Variants in LAMA2 observed in about 807,000 individuals in gnomAD.
LAMA2 encodes laminin subunit alpha 2.
Under a neutral mutation model 364.8 loss-of-function variants are expected in LAMA2, and 269 were observed. That is an observed-to-expected ratio of 0.74 (90% CI 0.67 to 0.82). LAMA2 has a LOEUF of 0.82. LAMA2 is among the 40% of genes least tolerant of loss of function. LAMA2 has a pLI of 0.00. For synonymous variants in LAMA2, 1,379 were observed against 1,370.6 expected (o/e 1.01, Z -0.14); for missense variants, 3,807 against 3,873.2 (o/e 0.98, Z 0.45).
intron 34 of LAMA2, among the ~76,000 whole-genome samples, chr6:129,371,448 TTTCA>T (rs1778072113): frequency 6.6e-6 from 1 of 152,142 alleles, no homozygotes; most frequent in South Asian, 2.1e-4. Context: ...ATAAATGGCA[TTTCA>T]TTCATTCATT....
chr6:129,013,658 G>A (rs950070772), intron 1 of LAMA2, among the ~76,000 whole-genome samples: 1 of 151,950 alleles, frequency 6.6e-6, no homozygotes, highest in African/African-American at 2.4e-5. Flanking sequence ...GCCACGAAAG[G>A]CATTTTCATT....
intron 1 of LAMA2, among the ~76,000 whole-genome samples, chr6:128,905,734 C>A (rs1184992819): frequency 3.3e-5 from 5 of 151,242 alleles, no homozygotes; most frequent in South Asian, 2.1e-4. Flanking sequence ...GCTGCACCCA[C>A]TAACTCGTCA....
intron 32 of LAMA2, 61 bp downstream of exon 32, chr6:129,353,418 C>T: frequency 7.5e-7 from 1 of 1,330,364 alleles, no homozygotes; most frequent in Non-Finnish European, 1.1e-6. Context: ...GTCTCATTTC[C>T]AATGAGAAAG....
At chr6:129,175,236 G>T (rs1302526930) in intron 9 of LAMA2, among the ~76,000 whole-genome samples, 1 of 152,136 alleles carries the variant, frequency 6.6e-6, no homozygotes, top group Non-Finnish European at 1.5e-5. Context: ...GGATTCATAA[G>T]TTAATTGCCT....
At chr6:129,156,816 G>T (rs1463007401) in intron 8 of LAMA2, among the ~76,000 whole-genome samples, 1 of 152,102 alleles carries the variant, frequency 6.6e-6, no homozygotes, top group African/African-American at 2.4e-5. Context: ...AAATAAAGCT[G>T]GTGGGGAAGC....
At chr6:129,429,702 T>C (rs1781494632) in intron 41 of LAMA2, among the ~76,000 whole-genome samples, 1 of 152,186 alleles carries the variant, frequency 6.6e-6, no homozygotes, top group Admixed American at 6.5e-5. Flanking sequence ...GACTTTGCGG[T>C]CACTCCTTCC....
At chr6:129,077,461 A>G (rs1204574615) in intron 3 of LAMA2, among the ~76,000 whole-genome samples, 1 of 150,088 alleles carries the variant, frequency 6.7e-6, no homozygotes, top group Admixed American at 6.6e-5. Flanking sequence ...CATAACTGAG[A>G]CTTTGCAGAT....
intron 17 of LAMA2, among the ~76,000 whole-genome samples, chr6:129,279,164 C>T (rs866085736): frequency 2.0e-4 from 30 of 152,080 alleles, no homozygotes; most frequent in Middle Eastern, 3.2e-3. Flanking sequence ...AAAACGGTAG[C>T]GCAACAGACC....
At chr6:129,389,192 A>G (rs1436218985) in intron 35 of LAMA2, among the ~76,000 whole-genome samples, 3 of 152,190 alleles carry the variant, frequency 2.0e-5, no homozygotes, top group Admixed American at 1.3e-4. Context: ...CCTGACAATA[A>G]CTTCTACCAC....
At chr6:129,304,070 A>C (rs978924207) in intron 22 of LAMA2, among the ~76,000 whole-genome samples, 1 of 152,164 alleles carries the variant, frequency 6.6e-6, no homozygotes, top group African/African-American at 2.4e-5. Context: ...ATCAAGAAAA[A>C]AGAGAGAAGA....
intron 3 of LAMA2, among the ~76,000 whole-genome samples, chr6:129,083,755 A>C (rs1774207677): frequency 6.6e-6 from 1 of 152,194 alleles, no homozygotes; most frequent in African/African-American, 2.4e-5. Flanking sequence ...AAGATTACAT[A>C]AAAAGTATAG....
At chr6:129,207,087 C>A in intron 12 of LAMA2, among the ~76,000 whole-genome samples, 1 of 152,218 alleles carries the variant, frequency 6.6e-6, no homozygotes, top group East Asian at 1.9e-4. Flanking sequence ...ACAGCAGTGA[C>A]AGCCACAGGA....
At chr6:129,044,600 A>G (rs928054459) in intron 1 of LAMA2, among the ~76,000 whole-genome samples, 4 of 151,386 alleles carry the variant, frequency 2.6e-5, no homozygotes, top group African/African-American at 7.3e-5. Context: ...ATTATTCTAT[A>G]TATAATATGA....
chr6:129,326,581 A>G (rs1023221510), intron 28 of LAMA2, among the ~76,000 whole-genome samples: 1 of 151,518 alleles, frequency 6.6e-6, no homozygotes, highest in Non-Finnish European at 1.5e-5. Flanking sequence ...ATTTTTACAG[A>G]CAGTAATTAC....
Position 129,461,480 on chromosome 6 carries a change from T to C in LAMA2, c.6992+1156T>C, listed in dbSNP as rs374601290. 1.2e-4 allele frequency among the ~76,000 whole-genome samples: 19 copies of C among 152,152 alleles called. No homozygotes were observed. In the East Asian group the frequency reaches 1.4e-3, roughly 11 times the overall value. ...CAATAATCTTAAACAAAATTTAACA[T>C]GGAAGGTTGTCTGTAAAATTCTTTC... On this transcript the variant is annotated intron_variant, in intron 49 of 64. Coordinates refer to ENST00000421865, the MANE Select transcript of LAMA2 (RefSeq NM_000426.4).
chr6:129,272,464 C>G (rs1043312491), intron 17 of LAMA2, among the ~76,000 whole-genome samples: 2 of 152,044 alleles, frequency 1.3e-5, no homozygotes, highest in Non-Finnish European at 2.9e-5. Context: ...TATTAACCTG[C>G]TCAGAGTCAT....
intron 1 of LAMA2, among the ~76,000 whole-genome samples, chr6:128,936,381 A>G (rs949366653): frequency 6.6e-6 from 1 of 152,160 alleles, no homozygotes; most frequent in Non-Finnish European, 1.5e-5. Flanking sequence ...AGCTTTTATC[A>G]TGACAGGATG....
chr6:129,502,716 C>A lies in LAMA2; in HGVS notation c.8302C>A (p.Leu2768Ile). The A allele has an allele frequency of 1.9e-6, 3 of 1,614,018 alleles. No individual in the cohort carries two copies. Among genetic ancestry groups the A allele is most frequent in the South Asian group, 1.1e-5 (1 of 91,080 alleles). ...TTTGATAGGGAGCAAGCAGTTCGGG[C>A]TTTCAAGAAACAGTCACATTGCAAT... The part of the protein sequence containing the change: ...ALLIGSKQFG[L>I]SRNSHIAIAF... Residue 2768 changes from leucine (L) to isoleucine (I), a missense_variant, in exon 59 of 65, where the codon CTT (leucine) becomes ATT (isoleucine). By Grantham distance (5) the Leu-to-Ile change is conservative (BLOSUM62 2). Coordinates refer to ENST00000421865, the MANE Select transcript of LAMA2 (RefSeq NM_000426.4).
intron 1 of LAMA2, among the ~76,000 whole-genome samples, chr6:128,996,517 A>G (rs570077029): frequency 6.6e-6 from 1 of 152,226 alleles, no homozygotes; most frequent in South Asian, 2.1e-4. Flanking sequence ...CAACAAACAT[A>G]TGAAAAAAAG....
Sources: gnomAD v4.1 joint callset for allele counts (sites outside exome capture counted in the v4.1 genomes callset) on GRCh38, gnomAD v4.1.1 for gene constraint, MANE v1.5 for transcripts, NCBI Gene and HGNC (gene_info 2026-07-23, HGNC 2026-07-21) for gene names.